CNTNAP5: variants seen among roughly 807,000 people sequenced by gnomAD.
CNTNAP5 encodes the protein contactin-associated protein-like 5.
CNTNAP5 carries 72 observed loss-of-function variants against 150.2 expected under a neutral mutation model. The ratio of observed to expected loss-of-function variants is 0.48; its 90% CI spans 0.40 to 0.58. The LOEUF (loss-of-function observed/expected upper bound fraction) is 0.58. CNTNAP5 is among the 20% of genes least tolerant of loss of function. The pLI is 0.00. For synonymous variants in CNTNAP5, 672 were observed against 619.8 expected (o/e 1.08, Z -1.25); for missense variants, 1,636 against 1,626.2 (o/e 1.01, Z -0.10).
In CNTNAP5 at chr2:124,914,480, C is replaced by T. The variant is rs1678722114; in HGVS notation, c.*192C>T. On this transcript the variant is annotated 3_prime_UTR_variant, in exon 24 of 24. Coordinates refer to ENST00000682447, the MANE Select transcript of CNTNAP5 (RefSeq NM_001367498.1). ...GAGACCAGGCAGCCATGGCCACTGC[C>T]TTCCTCTCTGATGAACCTATCGGGT... 1 of 578,410 alleles carries T rather than the reference C, an allele frequency of 1.7e-6. No individual in the cohort carries two copies. The highest frequency in any genetic ancestry group is 2.1e-5 in the South Asian group (1 of 47,340). The allele number at this position is 578,410 out of a possible 1,614,324, so 35.8% of individuals were successfully genotyped here.
chr2:124,075,408 G>C (rs552334621), intron 1 of CNTNAP5, among the ~76,000 whole-genome samples: 1 of 151,986 alleles, frequency 6.6e-6, no homozygotes, highest in South Asian at 2.1e-4. Flanking sequence ...AGTAAGTCTG[G>C]GACATTTTCA....
intron 10 of CNTNAP5, among the ~76,000 whole-genome samples, chr2:124,544,661 A>C (rs1695470878): frequency 6.6e-6 from 1 of 152,214 alleles, no homozygotes; most frequent in Admixed American, 6.5e-5. Flanking sequence ...TGTGTGATAC[A>C]TTTAGATTTA....
intron 3 of CNTNAP5, among the ~76,000 whole-genome samples, chr2:124,300,076 T>G (rs1688538030): frequency 6.6e-6 from 1 of 152,226 alleles, no homozygotes; most frequent in South Asian, 2.1e-4. Context: ...AAATCAGCTT[T>G]CCTTTGTAAA....
intron 13 of CNTNAP5, among the ~76,000 whole-genome samples, chr2:124,679,834 G>A (rs1679025300): frequency 6.6e-6 from 1 of 151,786 alleles, no homozygotes; most frequent in African/African-American, 2.4e-5. Context: ...CTAAGTGCTG[G>A]GATTACAGGC....
intron 13 of CNTNAP5, among the ~76,000 whole-genome samples, chr2:124,687,569 A>G (rs2105075503): frequency 1.3e-5 from 2 of 151,366 alleles, no homozygotes; most frequent in South Asian, 4.2e-4. Flanking sequence ...GAGAATATTG[A>G]TGTGAAAGGT....
chr2:124,614,702 G>A (rs1407939396), intron 12 of CNTNAP5, among the ~76,000 whole-genome samples: 1 of 152,076 alleles, frequency 6.6e-6, no homozygotes, highest in Non-Finnish European at 1.5e-5. Flanking sequence ...GGTCAGTTTT[G>A]TCACCATCTC....
intron 3 of CNTNAP5, among the ~76,000 whole-genome samples, chr2:124,395,978 G>A (rs1475271684): frequency 6.6e-6 from 1 of 152,108 alleles, no homozygotes. Context: ...CCTTGCTACA[G>A]TACCATGCAG....
At chr2:124,871,708 T>G in intron 21 of CNTNAP5, among the ~76,000 whole-genome samples, 1 of 152,148 alleles carries the variant, frequency 6.6e-6, no homozygotes, top group African/African-American at 2.4e-5. Context: ...CCATACCTAC[T>G]ACTTACAAGT....
intron 3 of CNTNAP5, among the ~76,000 whole-genome samples, chr2:124,404,316 A>T (rs1286150210): frequency 6.6e-6 from 1 of 152,188 alleles, no homozygotes; most frequent in Non-Finnish European, 1.5e-5. Context: ...GCCTGGTGGC[A>T]CCGGGATACT....
At chr2:124,481,505 C>A (rs1693761609) in intron 7 of CNTNAP5, among the ~76,000 whole-genome samples, 1 of 151,978 alleles carries the variant, frequency 6.6e-6, no homozygotes, top group Non-Finnish European at 1.5e-5. Context: ...AAAAATATTT[C>A]TATATAAAAT....
chr2:124,219,841 A>T (rs1357975981), intron 1 of CNTNAP5, among the ~76,000 whole-genome samples: 1 of 152,086 alleles, frequency 6.6e-6, no homozygotes, highest in Non-Finnish European at 1.5e-5. Flanking sequence ...CCAGAGGTAA[A>T]ATGGTAGTGA....
At chr2:124,128,998 C>A (rs1371480167) in intron 1 of CNTNAP5, among the ~76,000 whole-genome samples, 8 of 151,540 alleles carry the variant, frequency 5.3e-5, no homozygotes, top group Admixed American at 5.3e-4. Flanking sequence ...CAATATGGCA[C>A]ATGTATACAT....
In CNTNAP5 at chr2:124,884,101, T is replaced by C. The variant is rs1228097398; in HGVS notation, c.3436+14339T>C. Among the ~76,000 whole-genome samples, 3 of 152,134 alleles carry C rather than the reference T, an allele frequency of 2.0e-5. No homozygotes were observed. In the East Asian group the frequency reaches 5.8e-4, roughly 29 times the overall value. On this transcript the variant is annotated intron_variant, in intron 21 of 23. Coordinates refer to ENST00000682447, the MANE Select transcript of CNTNAP5 (RefSeq NM_001367498.1). Reference sequence around the variant, plus strand: ...TCTGTCATGTATGTCTGTGTGCATGTACATGTGTGTACCTATATGTGCATA... The same window carrying C: ...TCTGTCATGTATGTCTGTGTGCATGCACATGTGTGTACCTATATGTGCATA...
At chr2:124,199,819 A>G (rs532017387) in intron 1 of CNTNAP5, among the ~76,000 whole-genome samples, 10 of 152,158 alleles carry the variant, frequency 6.6e-5, no homozygotes, top group African/African-American at 2.4e-4. Flanking sequence ...TTGTACATTG[A>G]TTTTATGCAT....
intron 3 of CNTNAP5, among the ~76,000 whole-genome samples, chr2:124,282,166 C>A (rs1399731670): frequency 2.6e-5 from 4 of 152,092 alleles, no homozygotes; most frequent in Non-Finnish European, 5.9e-5. Flanking sequence ...GATGGTAAAA[C>A]AAAGGGCTTT....
At chr2:124,802,172 G>A (rs1035657537) in intron 19 of CNTNAP5, among the ~76,000 whole-genome samples, 1 of 152,188 alleles carries the variant, frequency 6.6e-6, no homozygotes, top group Non-Finnish European at 1.5e-5. Context: ...AAGTCAGCAG[G>A]TGGAGTAAGG....
At chr2:124,369,238 T>A (rs1690456352) in intron 3 of CNTNAP5, among the ~76,000 whole-genome samples, 2 of 152,150 alleles carry the variant, frequency 1.3e-5, no homozygotes, top group Admixed American at 1.3e-4. Flanking sequence ...TTTGAATGCC[T>A]TTGTATATTT....
chr2:124,232,679 T>C (rs1686653024), intron 2 of CNTNAP5, among the ~76,000 whole-genome samples: 2 of 152,320 alleles, frequency 1.3e-5, no homozygotes, highest in South Asian at 4.1e-4. Flanking sequence ...CGCAATTGGT[T>C]GATCATGTCT....
chr2:124,527,630 T>A (rs1360855626), intron 10 of CNTNAP5, among the ~76,000 whole-genome samples, 174 bp downstream of exon 10: 1 of 152,186 alleles, frequency 6.6e-6, no homozygotes, highest in Non-Finnish European at 1.5e-5. Flanking sequence ...AAAAAATGGT[T>A]TAAATTAGTT....
Sources: allele counts gnomAD v4.1 joint callset (sites outside exome capture counted in the v4.1 genomes callset), GRCh38; gene constraint gnomAD v4.1.1; transcripts MANE v1.5; gene names NCBI Gene and HGNC (gene_info 2026-07-23, HGNC 2026-07-21).